Variants in AOX1 observed in about 807,000 individuals in gnomAD.
The protein encoded by AOX1 is aldehyde oxidase 1.
In AOX1, 153 loss-of-function variants were observed where a neutral mutation model predicts 169.5. That is an observed-to-expected ratio of 0.90 (90% CI 0.79 to 1.03). AOX1 has a LOEUF of 1.03. Among genes scored for constraint, AOX1 ranks in the 50% least tolerant of loss-of-function variants. AOX1 has a pLI of 0.00. For synonymous variants in AOX1, 562 were observed against 581.9 expected (o/e 0.97, Z 0.49); for missense variants, 1,656 against 1,663.9 (o/e 1.00, Z 0.08).
At chr2:200,646,692 T>C (rs531408471) in intron 25 of AOX1, among the ~76,000 whole-genome samples, 43 of 152,292 alleles carry the variant, frequency 2.8e-4, no homozygotes, top group African/African-American at 1.0e-3. Flanking sequence ...GCTGTCTATC[T>C]CATTTCTTAG....
chr2:200,618,528 A>G (rs2105718995), intron 16 of AOX1, among the ~76,000 whole-genome samples: 1 of 152,198 alleles, frequency 6.6e-6, no homozygotes, highest in African/African-American at 2.4e-5. Flanking sequence ...TATGAAAATA[A>G]TATGGTTTTT....
intron 34 of AOX1, 54 bp downstream of exon 34, chr2:200,669,796 C>A: frequency 6.3e-7 from 1 of 1,583,396 alleles, no homozygotes; most frequent in Non-Finnish European, 8.6e-7. Context: ...GAATTTTTGG[C>A]CTCTGTTCTT....
Position 200,642,530 on chromosome 2 carries a change from G to A in AOX1, c.2656-80G>A, listed in dbSNP as rs375189580. 38 of 1,191,980 alleles carry A rather than the reference G, an allele frequency of 3.2e-5. No individual in the cohort carries two copies. The East Asian group carries it at 5.0e-4, about 16-fold the overall frequency. The allele number at this position is 1,191,980 out of a possible 1,614,324, so 73.8% of individuals were successfully genotyped here. On this transcript the variant is annotated intron_variant, in intron 24 of 34. Transcript: ENST00000374700. Reference sequence around the variant, plus strand: ...AGATGAAAAGAGAGCTGCCATTTTCGGCCTGGTTTTGGTCTGAGGTCGTAG... The same window carrying A: ...AGATGAAAAGAGAGCTGCCATTTTCAGCCTGGTTTTGGTCTGAGGTCGTAG...
Position 200,612,732 on chromosome 2 carries a change from T to C in AOX1, c.1387T>C (p.Tyr463His). The change falls in exon 14 of 35, where the codon TAT (tyrosine) becomes CAT (histidine). Residue 463 changes from tyrosine (Y) to histidine (H), a missense_variant. Coordinates refer to ENST00000374700, the MANE Select transcript of AOX1 (RefSeq NM_001159.4). The part of the protein sequence containing the change: ...DGIIRELCIS[Y>H]GGVGPATICA... ...CATTATTAGAGAGTTATGCATCTCA[T>C]ATGGAGGCGTTGGTCCAGCCACCAT... 6.2e-7 allele frequency: 1 copy of C among 1,614,072 alleles called. No homozygotes were observed. The highest frequency in any genetic ancestry group is 1.1e-5 in the South Asian group (1 of 91,084).
Position 200,669,664 on chromosome 2 carries a change from G to A in AOX1, c.3888G>A (p.Leu1296=). ...AVSAARQERG[L]HGPLTLNSPL... is the part of the protein sequence containing the mutation. ...GTGCAGCACGACAGGAGAGAGGCCTGCATGGACCCTTGACCCTTAATAGTC... is the reference window on the plus strand; with the variant it reads ...GTGCAGCACGACAGGAGAGAGGCCTACATGGACCCTTGACCCTTAATAGTC... Residue 1296 remains leucine (L), a synonymous_variant, in exon 34 of 35, where the codon CTG becomes CTA. Transcript: ENST00000374700. 1.2e-6 allele frequency: 2 copies of A among 1,613,988 alleles called. No homozygotes were observed. Among genetic ancestry groups the A allele is most frequent in the Non-Finnish European group, 1.7e-6 (2 of 1,180,000 alleles).
intron 9 of AOX1, 61 bp downstream of exon 9, chr2:200,604,901 CG>C: frequency 3.3e-6 from 2 of 613,226 alleles, no homozygotes; most frequent in South Asian, 3.0e-5. Context: ...GGGATGGGGC[CG>C]GGGTGGGCTG....
At chr2:200,615,862 T>G in intron 15 of AOX1, 109 bp from the exon 16 acceptor site, 2 of 768,896 alleles carry the variant, frequency 2.6e-6, no homozygotes, top group Non-Finnish European at 4.4e-6. Context: ...TTAATATACG[T>G]GAGACTTCAG....
Position 200,637,006 on chromosome 2 carries a change from C to T in AOX1, c.2442C>T (p.Thr814=), listed in dbSNP as rs147600436. The change falls in exon 22 of 35, where the codon ACC becomes ACT. Residue 814 remains threonine (T), a synonymous_variant. Coordinates refer to ENST00000374700, the MANE Select transcript of AOX1 (RefSeq NM_001159.4). Reference sequence around the variant, plus strand: ...CGTTTGGAGGGAAGGTGTTAAAAACCGGAATCATTGCAGCCGTCACTGCAT... The same window carrying T: ...CGTTTGGAGGGAAGGTGTTAAAAACTGGAATCATTGCAGCCGTCACTGCAT... ...GGAFGGKVLK[T]GIIAAVTAFA... 3.0e-5 allele frequency: 49 copies of T among 1,613,896 alleles called. 1 individual carries two copies. The African/African-American group carries it at 4.8e-4, about 16-fold the overall frequency.
intron 12 of AOX1, 129 bp from the exon 13 acceptor site, chr2:200,611,255 C>A: frequency 1.4e-6 from 1 of 693,386 alleles, no homozygotes; most frequent in South Asian, 1.7e-5. Context: ...ATTTGCGAAG[C>A]ATAGGAAGAG....
At chr2:200,604,556 T>G in intron 8 of AOX1, 140 bp from the exon 9 acceptor site, 1 of 896,272 alleles carries the variant, frequency 1.1e-6, no homozygotes, top group Non-Finnish European at 1.7e-6. Context: ...CTTGTAAAGC[T>G]CTACTTTTAG....
At chr2:200,626,401 A>G (rs1314369223) in intron 19 of AOX1, among the ~76,000 whole-genome samples, 1 of 152,202 alleles carries the variant, frequency 6.6e-6, no homozygotes, top group Non-Finnish European at 1.5e-5. Flanking sequence ...CCAACTACCA[A>G]CAGAATGGAA....
chr2:200,645,391 A>C (rs2035431485), intron 25 of AOX1, among the ~76,000 whole-genome samples: 1 of 152,108 alleles, frequency 6.6e-6, no homozygotes, highest in South Asian at 2.1e-4. Flanking sequence ...GTGTGTGTTA[A>C]ACCATCCCTG....
At chr2:200,657,186 A>G (rs1196569214) in intron 27 of AOX1, among the ~76,000 whole-genome samples, 1 of 65,780 alleles carries the variant, frequency 1.5e-5, no homozygotes, top group African/African-American at 6.6e-5. Flanking sequence ...ATATATATAT[A>G]TATATTTTTT....
chr2:200,657,050 G>A, intron 27 of AOX1, 113 bp downstream of exon 27: 1 of 668,334 alleles, frequency 1.5e-6, no homozygotes. Flanking sequence ...GAAGCTGGGT[G>A]AGGTGGCTCA....
intron 32 of AOX1, among the ~76,000 whole-genome samples, chr2:200,667,899 A>G (rs1318525314): frequency 6.6e-6 from 1 of 152,078 alleles, no homozygotes; most frequent in Non-Finnish European, 1.5e-5. Context: ...ATGGGATTGT[A>G]GCATTCACTA....
chr2:200,659,803 C>T (rs1281091318), intron 28 of AOX1, among the ~76,000 whole-genome samples, 192 bp from the exon 29 acceptor site: 1 of 149,140 alleles, frequency 6.7e-6, no homozygotes, highest in Admixed American at 6.6e-5. Flanking sequence ...CACACACACA[C>T]ACACACACAC....
At chr2:200,602,783 T>C (rs573105786) in intron 6 of AOX1, among the ~76,000 whole-genome samples, 1 of 152,222 alleles carries the variant, frequency 6.6e-6, no homozygotes, top group East Asian at 1.9e-4. Context: ...TATCTCCGGG[T>C]CCAGTCACCA....
intron 27 of AOX1, among the ~76,000 whole-genome samples, chr2:200,658,435 C>A (rs1462651197): frequency 6.6e-6 from 1 of 152,140 alleles, no homozygotes; most frequent in Non-Finnish European, 1.5e-5. Context: ...TCACCAGAGA[C>A]TTTGATATTC....
Position 200,641,006 on chromosome 2 carries a change from G to A in AOX1, c.2569-92G>A, listed in dbSNP as rs35987427. The stretch of plus-strand genomic sequence containing the variant: ...TCACTGCCAAATCCAATGTCATGAC[G>A]CTTTTCCCCTATGTGTGGAGGGTTT... On this transcript the variant is annotated intron_variant, in intron 23 of 34. Coordinates refer to ENST00000374700, the MANE Select transcript of AOX1 (RefSeq NM_001159.4). 917 of 812,930 alleles carry A rather than the reference G, an allele frequency of 1.1e-3. 9 individuals carry two copies. The East Asian group carries it at 0.02, about 17-fold the overall frequency. The allele number at this position is 812,930 out of a possible 1,614,324, so 50.4% of individuals were successfully genotyped here. A position where few individuals can be genotyped will look rare whatever the true frequency, so the allele number is the denominator to read the frequency against.
Sources: gnomAD v4.1 joint callset for allele counts (sites outside exome capture counted in the v4.1 genomes callset) on GRCh38, gnomAD v4.1.1 for gene constraint, MANE v1.5 for transcripts, NCBI Gene and HGNC (gene_info 2026-07-23, HGNC 2026-07-21) for gene names.